WWOX: variants seen among roughly 807,000 people sequenced by gnomAD.
WWOX encodes the protein WW domain-containing oxidoreductase.
In WWOX, 69 loss-of-function variants were observed where a neutral mutation model predicts 46.2. That is an observed-to-expected ratio of 1.49 (90% CI 1.23 to 1.82). WWOX has a LOEUF of 1.82. WWOX is among the 40% of genes most tolerant of loss of function. The pLI is 0.00. For missense variants in WWOX, 919 were observed against 542.6 expected (o/e 1.69, Z -6.89); for synonymous variants, 359 against 202.6 (o/e 1.77, Z -6.56).
intron 8 of WWOX, among the ~76,000 whole-genome samples, chr16:78,462,348 A>G (rs1014997822): frequency 6.6e-6 from 1 of 151,990 alleles, no homozygotes; most frequent in Non-Finnish European, 1.5e-5. Context: ...CTATTAGCGC[A>G]CTACAAGGCA....
intron 8 of WWOX, among the ~76,000 whole-genome samples, chr16:78,624,156 T>C (rs769880173): frequency 3.9e-5 from 6 of 152,168 alleles, no homozygotes; most frequent in Non-Finnish European, 7.3e-5. Context: ...GAAATTGGAA[T>C]TTTTGCTTTT....
chr16:78,368,088 G>C (rs1239641800), intron 5 of WWOX, among the ~76,000 whole-genome samples: 4 of 152,150 alleles, frequency 2.6e-5, no homozygotes, highest in Non-Finnish European at 5.9e-5. Flanking sequence ...TTTTTGAGCA[G>C]ATTTCGCTGC....
At chr16:78,574,971 C>T (rs558926768) in intron 8 of WWOX, among the ~76,000 whole-genome samples, 2 of 108,648 alleles carry the variant, frequency 1.8e-5, no homozygotes, top group Non-Finnish European at 3.7e-5. Flanking sequence ...TTTATAGACC[C>T]TGAATATATT....
At chr16:78,579,748 C>T (rs2151586684) in intron 8 of WWOX, among the ~76,000 whole-genome samples, 2 of 152,254 alleles carry the variant, frequency 1.3e-5, no homozygotes, top group South Asian at 4.2e-4. Flanking sequence ...CAAATATCAT[C>T]TGCCTTGCTA....
chr16:79,013,220 TCCTC>T (rs2047347609), intron 8 of WWOX, among the ~76,000 whole-genome samples: 1 of 152,126 alleles, frequency 6.6e-6, no homozygotes, highest in Non-Finnish European at 1.5e-5. Context: ...GAAGAGGCCT[TCCTC>T]TGTGCATCCT....
intron 8 of WWOX, among the ~76,000 whole-genome samples, chr16:78,517,412 C>G (rs2043258364): frequency 6.9e-6 from 1 of 144,200 alleles, no homozygotes; most frequent in South Asian, 2.2e-4. Flanking sequence ...ATCACCAGAA[C>G]TGAAATTATT....
intron 8 of WWOX, among the ~76,000 whole-genome samples, chr16:79,129,783 A>C (rs1257674889): frequency 1.3e-5 from 2 of 152,222 alleles, no homozygotes; most frequent in Non-Finnish European, 2.9e-5. Context: ...ATTCAAAGAC[A>C]GTCACAGTCC....
At chr16:78,673,149 C>T (rs773344811) in intron 8 of WWOX, among the ~76,000 whole-genome samples, 1 of 152,182 alleles carries the variant, frequency 6.6e-6, no homozygotes, top group Non-Finnish European at 1.5e-5. Context: ...CAGCTCAAGT[C>T]CTCATTCTCA....
chr16:78,984,126 C>A (rs1437440326), intron 8 of WWOX, among the ~76,000 whole-genome samples: 2 of 152,092 alleles, frequency 1.3e-5, no homozygotes, highest in East Asian at 3.9e-4. Flanking sequence ...GATCTGCCCG[C>A]CTTGGCCTCC....
intron 5 of WWOX, among the ~76,000 whole-genome samples, chr16:78,356,989 A>G (rs571998899): frequency 1.3e-5 from 2 of 152,312 alleles, no homozygotes; most frequent in African/African-American, 4.8e-5. Context: ...TTTTATGGCC[A>G]TGTATACCTT....
chr16:78,794,120 C>G (rs1432705264), intron 8 of WWOX, among the ~76,000 whole-genome samples: 1 of 152,096 alleles, frequency 6.6e-6, no homozygotes, highest in East Asian at 1.9e-4. Context: ...GACATGAAGA[C>G]AGAGCCTGCA....
chr16:78,868,175 C>T (rs2044047793), intron 8 of WWOX, among the ~76,000 whole-genome samples: 1 of 152,100 alleles, frequency 6.6e-6, no homozygotes, highest in African/African-American at 2.4e-5. Flanking sequence ...TCTATCGACA[C>T]AATGGAATAC....
intron 8 of WWOX, among the ~76,000 whole-genome samples, chr16:78,880,189 C>G (rs372596558): frequency 1.3e-5 from 2 of 152,098 alleles, no homozygotes; most frequent in South Asian, 2.1e-4. Flanking sequence ...GACAACAGTA[C>G]CAAACGAAGA....
At chr16:79,126,660 G>A (rs780522909) in intron 8 of WWOX, among the ~76,000 whole-genome samples, 3 of 152,216 alleles carry the variant, frequency 2.0e-5, no homozygotes, top group Non-Finnish European at 4.4e-5. Flanking sequence ...CTGTGTAGCA[G>A]TGTAAGAACA....
chr16:79,024,430 T>A (rs972428782), intron 8 of WWOX, among the ~76,000 whole-genome samples: 5 of 151,928 alleles, frequency 3.3e-5, no homozygotes, highest in Non-Finnish European at 7.4e-5. Context: ...AGCTGATTTT[T>A]AAATTTTTTT....
At chr16:78,453,150 G>A (rs2083732502) in intron 8 of WWOX, among the ~76,000 whole-genome samples, 2 of 152,102 alleles carry the variant, frequency 1.3e-5, no homozygotes, top group African/African-American at 4.8e-5. Context: ...TCAGCCCTGT[G>A]TGGTAGCTCA....
chr16:78,555,232 T>C (rs8054987), intron 8 of WWOX, among the ~76,000 whole-genome samples: 11,841 of 151,838 alleles, frequency 0.078, 863 homozygotes, highest in African/African-American at 0.19. Context: ...TGTGTATATT[T>C]CTAAATTTAA....
At chr16:78,852,981 C>G in intron 8 of WWOX, among the ~76,000 whole-genome samples, 1 of 152,068 alleles carries the variant, frequency 6.6e-6, no homozygotes, top group East Asian at 1.9e-4. Context: ...TTATATCTTG[C>G]CCCCACCCAG....
At chr16:78,940,642 C>T (rs540286530) in intron 8 of WWOX, among the ~76,000 whole-genome samples, 9 of 151,218 alleles carry the variant, frequency 6.0e-5, no homozygotes, top group African/African-American at 1.5e-4. Flanking sequence ...CAGGCATGTG[C>T]ACATATGTCT....
Sources: allele counts gnomAD v4.1 joint callset (sites outside exome capture counted in the v4.1 genomes callset), GRCh38; gene constraint gnomAD v4.1.1; transcripts MANE v1.5; gene names NCBI Gene and HGNC (gene_info 2026-07-23, HGNC 2026-07-21).